Variants in ADARB1 observed in about 807,000 individuals in gnomAD.
The protein encoded by ADARB1 is adenosine deaminase RNA specific B1.
A neutral mutation model predicts 52.4 loss-of-function variants in ADARB1; 10 were observed. The ratio of observed to expected loss-of-function variants is 0.19; its 90% CI spans 0.12 to 0.32. The LOEUF is 0.32. Ranked by LOEUF, ADARB1 falls within the 10% of genes least tolerant of loss-of-function variation. The pLI is 1.00. For synonymous variants in ADARB1, 349 were observed against 371.1 expected, an observed-to-expected ratio of 0.94 and a Z score of 0.68; for missense variants, 643 against 922.3, an observed-to-expected ratio of 0.70 and a Z score of 3.92.
rs533501756 is a variant in ADARB1 at position 45,157,969 on chromosome 21, A to T, written c.-47-13641A>T. Among the ~76,000 whole-genome samples, 2 of 152,270 alleles carry T rather than the reference A, an allele frequency of 1.3e-5. No individual in the cohort carries two copies. The highest frequency in any genetic ancestry group is 1.9e-4 in the East Asian group (1 of 5,176). ...ACACCACAAATTGCACAGCACCCCCACAGGAGGCGAGCCTGTGTCCTTGCC... is the reference window on the plus strand; with the variant it reads ...ACACCACAAATTGCACAGCACCCCCTCAGGAGGCGAGCCTGTGTCCTTGCC... On this transcript the variant is annotated intron_variant, in intron 2 of 10. Transcript: ENST00000348831. This position sits in a 1 kb window ranked among gnomAD's most constrained non-coding sequence, Gnocchi z 4.1.
intron 1 of ADARB1, among the ~76,000 whole-genome samples, chr21:45,110,730 A>C (rs950208062): frequency 6.6e-6 from 1 of 152,176 alleles, no homozygotes; most frequent in Admixed American, 6.5e-5. Context: ...TTGGGTAATT[A>C]GTTTTTTACC....
intron 9 of ADARB1, among the ~76,000 whole-genome samples, chr21:45,212,997 G>A (rs1043280601): frequency 2.0e-5 from 3 of 152,124 alleles, no homozygotes; most frequent in African/African-American, 7.2e-5. Flanking sequence ...CTGGGTGTTG[G>A]GATTTTGCAG....
chr21:45,136,011 C>A (rs1037737639), intron 2 of ADARB1, among the ~76,000 whole-genome samples: 1 of 152,328 alleles, frequency 6.6e-6, no homozygotes, highest in East Asian at 1.9e-4. Context: ...AGAGCAGGGA[C>A]ACAATGTGAG....
intron 2 of ADARB1, among the ~76,000 whole-genome samples, chr21:45,154,075 A>G (rs2145968126): frequency 6.6e-6 from 1 of 152,350 alleles, no homozygotes; most frequent in Non-Finnish European, 1.5e-5. Flanking sequence ...TAATTCTGTC[A>G]TCATTCTTTT....
intron 9 of ADARB1, among the ~76,000 whole-genome samples, chr21:45,218,234 T>C (rs1356290856): frequency 6.6e-6 from 1 of 152,206 alleles, no homozygotes; most frequent in Non-Finnish European, 1.5e-5. Context: ...TTTTCTGTTC[T>C]TTTTTTCTCT....
At chr21:45,101,304 C>T (rs940049566) in intron 1 of ADARB1, among the ~76,000 whole-genome samples, 2 of 152,160 alleles carry the variant, frequency 1.3e-5, no homozygotes, top group African/African-American at 4.8e-5. Context: ...GGCCGTGTCC[C>T]CGCAGCCCCG....
intron 1 of ADARB1, among the ~76,000 whole-genome samples, chr21:45,109,542 C>G (rs904439375): frequency 1.3e-5 from 2 of 152,238 alleles, no homozygotes; most frequent in Admixed American, 6.5e-5. Context: ...TGCGTCACCA[C>G]TTCCTGATGT....
At chr21:45,080,430 G>T (rs1275411898) in intron 1 of ADARB1, among the ~76,000 whole-genome samples, 2 of 152,154 alleles carry the variant, frequency 1.3e-5, no homozygotes, top group Admixed American at 1.3e-4. Flanking sequence ...AAGGGAGGCG[G>T]GACTTCAGGA....
At chr21:45,133,965 G>A (rs1244313481) in intron 2 of ADARB1, among the ~76,000 whole-genome samples, 1 of 115,626 alleles carries the variant, frequency 8.6e-6, no homozygotes, top group Non-Finnish European at 1.8e-5. Flanking sequence ...TGGTGTGTGC[G>A]CCCGACGGGG....
At chr21:45,089,733 C>T (rs2086488697) in intron 1 of ADARB1, among the ~76,000 whole-genome samples, 1 of 152,180 alleles carries the variant, frequency 6.6e-6, no homozygotes, top group Non-Finnish European at 1.5e-5. Context: ...TCAGAAATAT[C>T]ACCTTTATCA....
chr21:45,174,906 G>C (rs1271822657), intron 3 of ADARB1, among the ~76,000 whole-genome samples: 1 of 152,094 alleles, frequency 6.6e-6, no homozygotes, highest in South Asian at 2.1e-4. Context: ...TCACCAGAAA[G>C]TGTATTTATG....
At chr21:45,103,140 T>C (rs2087099599) in intron 1 of ADARB1, among the ~76,000 whole-genome samples, 1 of 152,256 alleles carries the variant, frequency 6.6e-6, no homozygotes, top group East Asian at 1.9e-4. Context: ...AAGAGGGGCC[T>C]AGGGAGCCAT....
intron 8 of ADARB1, among the ~76,000 whole-genome samples, chr21:45,187,664 T>TTACCC (rs1344472227): frequency 6.6e-6 from 1 of 152,224 alleles, no homozygotes; most frequent in Admixed American, 6.5e-5. Context: ...ATGTCCTTTA[T>TTACCC]TACGTTGAGT....
At chr21:45,188,028 A>G (rs1601848749) in intron 8 of ADARB1, among the ~76,000 whole-genome samples, 1 of 151,834 alleles carries the variant, frequency 6.6e-6, no homozygotes, top group South Asian at 2.1e-4. Flanking sequence ...TGTTCTCTTT[A>G]GTTTTTTTGG....
At chr21:45,148,255 C>T (rs923444320) in intron 2 of ADARB1, among the ~76,000 whole-genome samples, 4 of 152,214 alleles carry the variant, frequency 2.6e-5, no homozygotes, top group Admixed American at 2.0e-4. Context: ...TGGCAGCCTC[C>T]GTGAGGGTGT....
In ADARB1 at chr21:45,206,379, A is replaced by G. The variant is rs774437543; in HGVS notation, c.1747+1643A>G. 2.2e-4 allele frequency among the ~76,000 whole-genome samples: 34 copies of G among 152,288 alleles called. 1 individual carries two copies. Among genetic ancestry groups the G allele is most frequent in the Non-Finnish European group, 4.0e-4 (27 of 68,018 alleles). On this transcript the variant is annotated intron_variant, in intron 9 of 10. Coordinates refer to ENST00000348831, the MANE Select transcript of ADARB1 (RefSeq NM_001112.4). ...AAGACAGAATCATTTTGCTAAAGAA[A>G]TTTTCTAAGATATTGAAAGTAGAGC...
At position 45,142,763 on chromosome 21, in the gene ADARB1, G is replaced by C. The variant is rs2089795675; in HGVS notation, c.-48+14190G>C. ...TGCTTGGTCCCCCCATGAACTCAGG[G>C]GTGTGGCCTGGCTCCGTCATGTGTT... On this transcript the variant is annotated intron_variant, in intron 2 of 10. Transcript: ENST00000348831. This position sits in a 1 kb window ranked among gnomAD's most constrained non-coding sequence, Gnocchi z 4.0. Among the ~76,000 whole-genome samples the C allele has an allele frequency of 6.6e-6, 1 of 152,180 alleles. No homozygotes were observed. Among genetic ancestry groups the C allele is most frequent in the African/African-American group, 2.4e-5 (1 of 41,442 alleles).
At chr21:45,075,465 T>C (rs1348430765) in intron 1 of ADARB1, among the ~76,000 whole-genome samples, 1 of 152,124 alleles carries the variant, frequency 6.6e-6, no homozygotes, top group Non-Finnish European at 1.5e-5. Flanking sequence ...CTGCGTGTCC[T>C]TCCGAGGGCG....
rs574021107 is a variant in ADARB1, at chr21:45,163,713, A to G, written c.-47-7897A>G. On this transcript the variant is annotated intron_variant, in intron 2 of 10. Coordinates refer to ENST00000348831, the MANE Select transcript of ADARB1 (RefSeq NM_001112.4). ...GACCTCCTGGGGGCTGCTGGGGCCT[A>G]TGGGAGTCGGGTGTGGACGGTGTGC... 1.1e-4 allele frequency among the ~76,000 whole-genome samples: 16 copies of G among 152,290 alleles called. No homozygotes were observed. In the South Asian group the frequency reaches 2.9e-3, roughly 28 times the overall value.
Sources: allele counts gnomAD v4.1 joint callset (sites outside exome capture counted in the v4.1 genomes callset), GRCh38; gene constraint gnomAD v4.1.1; non-coding constraint Gnocchi (gnomAD v3.1); transcripts MANE v1.5; gene names NCBI Gene and HGNC (gene_info 2026-07-23, HGNC 2026-07-21).